CFAP221: variants seen among roughly 807,000 people sequenced by gnomAD.
The protein encoded by CFAP221 is cilia- and flagella-associated protein 221.
In CFAP221, 97 loss-of-function variants were observed where a neutral mutation model predicts 113.1. That is an observed-to-expected ratio of 0.86 (90% confidence interval 0.73 to 1.02). CFAP221 has a LOEUF of 1.02. Among genes scored for constraint, CFAP221 ranks in the 50% least tolerant of loss-of-function variants. The probability of loss-of-function intolerance (pLI) is 0.00; values close to 1 mark genes in which losing one functional copy is unlikely to be tolerated. For synonymous variants in CFAP221, 331 were observed against 354.4 expected (o/e 0.93, Z 0.74); for missense variants, 1,025 against 1,013.4 (o/e 1.01, Z -0.16).
At chr2:119,578,804 T>C (rs189143780) in intron 6 of CFAP221, among the ~76,000 whole-genome samples, 1 of 152,372 alleles carries the variant, frequency 6.6e-6, no homozygotes, top group East Asian at 1.9e-4. Flanking sequence ...TATGGTAAAC[T>C]AGCCTCTTCA....
intron 14 of CFAP221, among the ~76,000 whole-genome samples, chr2:119,616,760 A>G (rs1685555084): frequency 1.3e-5 from 2 of 152,190 alleles, no homozygotes; most frequent in Non-Finnish European, 2.9e-5. Context: ...GCTCTGCTCC[A>G]TGGGACTGCA....
Position 119,604,809 on chromosome 2 carries a change from CCTT to C in CFAP221, c.912+18_912+20del. 6.3e-7 allele frequency: 1 copy of C among 1,593,386 alleles called. No individual in the cohort carries two copies. The highest frequency in any genetic ancestry group is 2.2e-5 in the East Asian group (1 of 44,612). Reference sequence around the variant, plus strand: ...AAGGTGAAGGTACGGTGGGCCTTGTCCTTGGTGCGATGAAAGGGTGACAGAGGG... The same window carrying C: ...AAGGTGAAGGTACGGTGGGCCTTGTCGGTGCGATGAAAGGGTGACAGAGGG... On this transcript the variant is annotated intron_variant, in intron 9 of 23. Transcript: ENST00000413369.
intron 22 of CFAP221, 112 bp from the exon 23 acceptor site, chr2:119,651,861 TA>T: frequency 1.3e-6 from 1 of 768,974 alleles, no homozygotes; most frequent in Non-Finnish European, 2.0e-6. Flanking sequence ...TAGATGGAAC[TA>T]AAGTTGAATA....
chr2:119,601,529 CAG>C (rs1198763918), intron 8 of CFAP221, 152 bp downstream of exon 8: 5 of 695,210 alleles, frequency 7.2e-6, no homozygotes, highest in Admixed American at 3.4e-5. Flanking sequence ...TAAAACATAA[CAG>C]AAATATAGAA....
At chr2:119,577,795 A>G (rs1682557014) in intron 6 of CFAP221, among the ~76,000 whole-genome samples, 1 of 152,254 alleles carries the variant, frequency 6.6e-6, no homozygotes, top group African/African-American at 2.4e-5. Context: ...AAATGGGGTA[A>G]GATAATCATT....
Position 119,656,590 on chromosome 2 carries a change from G to A in CFAP221, c.*120G>A, listed in dbSNP as rs1574252411. ...TTTCTGGATAAAAAAATGAAATGTAGAGGATGTATATATCTTTTAAGTGAT... is the reference window on the plus strand; with the variant it reads ...TTTCTGGATAAAAAAATGAAATGTAAAGGATGTATATATCTTTTAAGTGAT... On this transcript the variant is annotated 3_prime_UTR_variant, in exon 24 of 24. Coordinates refer to ENST00000413369, the MANE Select transcript of CFAP221 (RefSeq NM_001271049.2). 2 of 655,456 alleles carry A rather than the reference G, an allele frequency of 3.1e-6. No homozygotes were observed. Among genetic ancestry groups the A allele is most frequent in the East Asian group, 5.5e-5 (2 of 36,178 alleles). The allele number at this position is 655,456 out of a possible 1,614,324, so 40.6% of individuals were successfully genotyped here.
intron 21 of CFAP221, among the ~76,000 whole-genome samples, chr2:119,645,858 A>G (rs1046112702): frequency 6.6e-6 from 1 of 152,096 alleles, no homozygotes; most frequent in African/African-American, 2.4e-5. Flanking sequence ...CTAGAAATTT[A>G]TTCCAGAAAA....
In CFAP221 at chr2:119,546,187, A is replaced by T. The variant is rs944262395; in HGVS notation, c.56A>T (p.Asn19Ile). The change falls in exon 2 of 24, where the codon AAT (asparagine) becomes ATT (isoleucine). Residue 19 changes from asparagine (N) to isoleucine (I), a missense_variant. Coordinates refer to ENST00000413369, the MANE Select transcript of CFAP221 (RefSeq NM_001271049.2). ...CTAAAGAATGCTAAAGAACCCTTTA[A>T]TAATGCATCACCCCATCTCTTGAAG... Reference protein sequence around the residue: ...RGLKNAKEPFNNASPHLLKNL... With the variant: ...RGLKNAKEPFINASPHLLKNL... The T allele has an allele frequency of 2.0e-6, 3 of 1,535,994 alleles. No homozygotes were observed. In the South Asian group the frequency reaches 3.6e-5, roughly 18 times the overall value.
At chr2:119,649,484 G>A (rs928245045) in intron 22 of CFAP221, among the ~76,000 whole-genome samples, 1 of 152,132 alleles carries the variant, frequency 6.6e-6, no homozygotes, top group African/African-American at 2.4e-5. Flanking sequence ...GTCTAGTTTA[G>A]TGAGACAGAA....
intron 19 of CFAP221, chr2:119,637,993 T>C (rs1687218112): frequency 6.9e-6 from 2 of 291,476 alleles, no homozygotes; most frequent in Non-Finnish European, 1.3e-5. Flanking sequence ...GTTGTACTTA[T>C]TTTCATGGGA....
chr2:119,624,084 C>T (rs182329619), intron 14 of CFAP221, among the ~76,000 whole-genome samples: 119 of 152,236 alleles, frequency 7.8e-4, no homozygotes, highest in Non-Finnish European at 2.6e-4. Flanking sequence ...GAACAGGCAA[C>T]CTATAGAATG....
At chr2:119,641,144 T>A (rs919139359) in intron 21 of CFAP221, among the ~76,000 whole-genome samples, 2 of 152,186 alleles carry the variant, frequency 1.3e-5, no homozygotes, top group Non-Finnish European at 2.9e-5. Flanking sequence ...ATTGGTAAGC[T>A]CTTCCTGAAC....
intron 14 of CFAP221, among the ~76,000 whole-genome samples, chr2:119,624,222 C>T (rs1686133377): frequency 6.6e-6 from 1 of 152,164 alleles, no homozygotes; most frequent in Non-Finnish European, 1.5e-5. Context: ...TATGAACGGA[C>T]ACTTCTCAAA....
chr2:119,593,423 A>G (rs1232539348), intron 7 of CFAP221, among the ~76,000 whole-genome samples: 1 of 152,218 alleles, frequency 6.6e-6, no homozygotes, highest in African/African-American at 2.4e-5. Context: ...TGGTGCTGGC[A>G]TCTGCTCCTA....
chr2:119,562,288 G>T (rs1681309405), intron 6 of CFAP221, among the ~76,000 whole-genome samples, 174 bp downstream of exon 6: 1 of 140,800 alleles, frequency 7.1e-6, no homozygotes. Flanking sequence ...AACCAAACAT[G>T]CGTCAAAAGA....
intron 21 of CFAP221, among the ~76,000 whole-genome samples, chr2:119,642,514 G>C (rs1574219417): frequency 6.8e-6 from 1 of 146,516 alleles, no homozygotes; most frequent in East Asian, 2.0e-4. Flanking sequence ...TGGCAGAAAG[G>C]GGAAGGGAGC....
At chr2:119,653,519 A>G (rs191988428) in intron 23 of CFAP221, among the ~76,000 whole-genome samples, 3 of 152,330 alleles carry the variant, frequency 2.0e-5, no homozygotes, top group African/African-American at 4.8e-5. Context: ...ATGAATTATT[A>G]TATTTCCGAG....
At chr2:119,636,117 C>T (rs542267682) in intron 19 of CFAP221, among the ~76,000 whole-genome samples, 48 of 152,146 alleles carry the variant, frequency 3.2e-4, no homozygotes, top group Non-Finnish European at 5.6e-4. Flanking sequence ...TGATATTGAA[C>T]CTTTAGCCAA....
chr2:119,605,996 C>G (rs985879643), intron 11 of CFAP221, among the ~76,000 whole-genome samples: 1 of 151,910 alleles, frequency 6.6e-6, no homozygotes, highest in Non-Finnish European at 1.5e-5. Flanking sequence ...AATGAACAAG[C>G]AAAATGTTGC....
Sources: allele counts gnomAD v4.1 joint callset (sites outside exome capture counted in the v4.1 genomes callset), GRCh38; gene constraint gnomAD v4.1.1; transcripts MANE v1.5; gene names NCBI Gene and HGNC (gene_info 2026-07-23, HGNC 2026-07-21).